The following HCRTR2 variants were observed in gnomAD, a reference collection of about 807,000 sequenced individuals.
The protein encoded by HCRTR2 is hypocretin receptor 2.
A neutral mutation model predicts 49.0 loss-of-function variants in HCRTR2; 22 were observed. That is an observed-to-expected ratio of 0.45 (90% CI 0.32 to 0.64). The LOEUF (loss-of-function observed/expected upper bound fraction) is 0.64, where lower values mean the gene tolerates loss of function less well. Ranked by LOEUF, HCRTR2 falls within the 30% of genes least tolerant of loss-of-function variation. HCRTR2 has a pLI of 0.04. For synonymous variants in HCRTR2, 236 were observed against 205.3 expected, an observed-to-expected ratio of 1.15 and a Z score of -1.28; for missense variants, 491 against 559.4, an observed-to-expected ratio of 0.88 and a Z score of 1.23.
At chr6:55,246,122 A>G (rs945907798) in intron 1 of HCRTR2, among the ~76,000 whole-genome samples, 2 of 152,050 alleles carry the variant, frequency 1.3e-5, no homozygotes, top group Non-Finnish European at 2.9e-5. Context: ...AAATAGGAAG[A>G]GACTAAGAAG....
intron 1 of HCRTR2, among the ~76,000 whole-genome samples, chr6:55,206,012 T>C (rs916261723): frequency 6.6e-6 from 1 of 152,108 alleles, no homozygotes; most frequent in Non-Finnish European, 1.5e-5. Context: ...AAAATTATGA[T>C]TTTTTAAAAT....
At chr6:55,145,584 T>A (rs1468764200) in intron 1 of HCRTR2, among the ~76,000 whole-genome samples, 1 of 151,916 alleles carries the variant, frequency 6.6e-6, no homozygotes. Context: ...CTAATTTTTG[T>A]TTTTGTATTT....
intron 3 of HCRTR2, among the ~76,000 whole-genome samples, chr6:55,257,221 C>G (rs867038350): frequency 2.6e-5 from 4 of 151,960 alleles, no homozygotes; most frequent in African/African-American, 7.2e-5. Flanking sequence ...GTCTCTTATA[C>G]GATCCTTTTA....
intron 1 of HCRTR2, 33 bp downstream of exon 1, chr6:55,174,843 C>T: frequency 6.4e-7 from 1 of 1,553,792 alleles, no homozygotes; most frequent in Non-Finnish European, 8.9e-7. Flanking sequence ...CTCCTAGGGG[C>T]TATCACCCCC....
In HCRTR2 at chr6:55,232,262, A is replaced by G. The variant is rs138646921; in HGVS notation, c.224-16377A>G. On this transcript the variant is annotated intron_variant, in intron 1 of 6. Coordinates refer to ENST00000370862, the MANE Select transcript of HCRTR2 (RefSeq NM_001384272.1). Reference sequence around the variant, plus strand: ...AGTCAAACGGGCAATTAATTAATACAATCTTTATATATTCACTTATTAAAA... The same window carrying G: ...AGTCAAACGGGCAATTAATTAATACGATCTTTATATATTCACTTATTAAAA... Among the ~76,000 whole-genome samples, 672 of 152,284 alleles carry G rather than the reference A, an allele frequency of 4.4e-3. 5 individuals carry two copies. The highest frequency in any genetic ancestry group is 0.014 in the African/African-American group (574 of 41,562).
At chr6:55,246,293 A>G (rs1028019202) in intron 1 of HCRTR2, among the ~76,000 whole-genome samples, 1 of 152,078 alleles carries the variant, frequency 6.6e-6, no homozygotes, top group South Asian at 2.1e-4. Context: ...ATGTACATAT[A>G]TAGGTAAAGC....
intron 1 of HCRTR2, among the ~76,000 whole-genome samples, chr6:55,200,438 G>A (rs1270177472): frequency 2.0e-5 from 3 of 151,902 alleles, no homozygotes; most frequent in Non-Finnish European, 4.4e-5. Context: ...CTAATTTTTT[G>A]TATTTTTAGT....
At chr6:55,125,573 A>G (rs1050539201) in intron 1 of HCRTR2, among the ~76,000 whole-genome samples, 1 of 152,124 alleles carries the variant, frequency 6.6e-6, no homozygotes, top group Non-Finnish European at 1.5e-5. Context: ...ACCTTGGTGA[A>G]TATGATGATT....
intron 1 of HCRTR2, among the ~76,000 whole-genome samples, chr6:55,145,555 C>T (rs1221614137): frequency 6.6e-6 from 1 of 151,954 alleles, no homozygotes; most frequent in African/African-American, 2.4e-5. Flanking sequence ...GGACTACAGA[C>T]GCCCGCCACC....
At chr6:55,252,953 A>G (rs1452047404) in intron 2 of HCRTR2, among the ~76,000 whole-genome samples, 1 of 152,012 alleles carries the variant, frequency 6.6e-6, no homozygotes, top group Non-Finnish European at 1.5e-5. Context: ...TTTCATCTCA[A>G]CTAACTGTCC....
intron 1 of HCRTR2, among the ~76,000 whole-genome samples, chr6:55,128,728 T>TA (rs1764314762): frequency 6.6e-6 from 1 of 152,144 alleles, no homozygotes; most frequent in Non-Finnish European, 1.5e-5. Context: ...AGTTTAGTTT[T>TA]AAAAAAGATA....
chr6:55,233,592 G>A (rs976509259), intron 1 of HCRTR2, among the ~76,000 whole-genome samples: 2 of 152,104 alleles, frequency 1.3e-5, no homozygotes, highest in African/African-American at 4.8e-5. Flanking sequence ...AGCTACTTGG[G>A]AAGCTGAGGT....
intron 4 of HCRTR2, among the ~76,000 whole-genome samples, chr6:55,265,009 A>C (rs1210709356): frequency 6.6e-6 from 1 of 151,574 alleles, no homozygotes; most frequent in Non-Finnish European, 1.5e-5. Flanking sequence ...TATGAGCAAC[A>C]CTCATTTTTT....
chr6:55,108,403 C>G (rs187217573), intron 1 of HCRTR2, among the ~76,000 whole-genome samples: 5 of 152,086 alleles, frequency 3.3e-5, no homozygotes, highest in African/African-American at 1.2e-4. Context: ...CTGCAAACTC[C>G]GAGAGACAGC....
At chr6:55,172,846 TA>T (rs1764970763), upstream of HCRTR2, among the ~76,000 whole-genome samples, 1 of 152,170 alleles carries the variant, frequency 6.6e-6, no homozygotes, top group South Asian at 2.1e-4. Flanking sequence ...GGTAGTTAAC[TA>T]AATCTCAGTG....
intron 1 of HCRTR2, among the ~76,000 whole-genome samples, chr6:55,108,180 A>C (rs1402186611): frequency 6.6e-6 from 1 of 152,126 alleles, no homozygotes; most frequent in African/African-American, 2.4e-5. Flanking sequence ...TCTGAAGGCA[A>C]CTTTTTTTAT....
chr6:55,234,306 G>A (rs1766173645), intron 1 of HCRTR2, among the ~76,000 whole-genome samples: 1 of 151,982 alleles, frequency 6.6e-6, no homozygotes, highest in South Asian at 2.1e-4. Flanking sequence ...GTTTAGAATG[G>A]AACACCTGAC....
intron 1 of HCRTR2, among the ~76,000 whole-genome samples, chr6:55,239,150 A>G (rs1381777140): frequency 6.6e-6 from 1 of 152,208 alleles, no homozygotes; most frequent in East Asian, 1.9e-4. Flanking sequence ...AACTGTAACT[A>G]CCAGGTATAG....
upstream of HCRTR2, among the ~76,000 whole-genome samples, chr6:55,169,703 A>G (rs1487031967): frequency 1.3e-5 from 2 of 152,158 alleles, no homozygotes; most frequent in Admixed American, 6.5e-5. Flanking sequence ...AACAGTGCTC[A>G]GACTTGATTT....
Sources: gnomAD v4.1 joint callset for allele counts (sites outside exome capture counted in the v4.1 genomes callset) on GRCh38, gnomAD v4.1.1 for gene constraint, MANE v1.5 for transcripts, NCBI Gene and HGNC (gene_info 2026-07-23, HGNC 2026-07-21) for gene names.